Variants in ITGB2 observed in about 807,000 individuals in gnomAD.
ITGB2 encodes integrin beta-2.
A neutral mutation model predicts 86.8 loss-of-function variants in ITGB2; 56 were observed. That is an observed-to-expected ratio of 0.65 (90% confidence interval 0.52 to 0.81). ITGB2 has a LOEUF of 0.81. ITGB2 is among the 30% of genes least tolerant of loss of function. The pLI is 0.00. For missense variants in ITGB2, 948 were observed against 1,061.2 expected (o/e 0.89, Z 1.48); for synonymous variants, 457 against 450.4 (o/e 1.01, Z -0.19).
Position 44,890,099 on chromosome 21 carries a change from A to G in ITGB2, c.1536T>C (p.Cys512=). The G allele has an allele frequency of 6.2e-7, 1 of 1,613,452 alleles. No individual in the cohort carries two copies. Among genetic ancestry groups the G allele is most frequent in the South Asian group, 1.1e-5 (1 of 91,086 alleles). ...TGTGGCACAGGCACTGCCCGCAGACACAGTCCCCCAGCCCTGAGCAGATGA... is the reference window on the plus strand; with the variant it reads ...TGTGGCACAGGCACTGCCCGCAGACGCAGTCCCCCAGCCCTGAGCAGATGA... ...NSIICSGLGD[C]VCGQCLCHTS... is the part of the protein sequence containing the mutation. The change falls in exon 12 of 16, where the codon TGT becomes TGC. Residue 512 remains cysteine, a synonymous_variant. Coordinates refer to ENST00000652462, the MANE Select transcript of ITGB2 (RefSeq NM_000211.5).
chr21:44,910,853 C>T, intron 1 of ITGB2, 68 bp from the exon 2 acceptor site: 1 of 1,510,858 alleles, frequency 6.6e-7, no homozygotes, highest in African/African-American at 1.4e-5. Context: ...CCATGAAGCT[C>T]CCCTCCAGCT....
rs2083819958 is a variant in ITGB2 at position 44,893,461 on chromosome 21, T to C, written c.1167A>G (p.Gly389=). Residue 389 remains glycine (G), a synonymous_variant, in exon 10 of 16, where the codon GGA becomes GGG. Transcript: ENST00000652462. ...KVTYDSFCSN[G]VTHRNQPRGD... is the part of the protein sequence containing the mutation. ...CTCTGGGCTGGTTCCTGTGCGTCAC[T>C]CCATTGCTGCAGAAGGAGTCGTAGG... The C allele has an allele frequency of 6.2e-7, 1 of 1,613,982 alleles. No individual in the cohort carries two copies. The highest frequency in any genetic ancestry group is 1.3e-5 in the African/African-American group (1 of 74,904).
intron 7 of ITGB2, 86 bp downstream of exon 7, chr21:44,900,234 C>A: frequency 6.5e-7 from 1 of 1,542,698 alleles, no homozygotes; most frequent in Non-Finnish European, 9.0e-7. Flanking sequence ...CAGAAGGAGG[C>A]TCTGTCAGGT....
Position 44,886,889 on chromosome 21 carries a change from G to T in ITGB2, c.2094C>A (p.Gly698=). 6.2e-7 allele frequency: 1 copy of T among 1,612,960 alleles called. No individual in the cohort carries two copies. Among genetic ancestry groups the T allele is most frequent in the South Asian group, 1.1e-5 (1 of 91,090 alleles). The part of the protein sequence containing the change: ...YVDESRECVA[G]PNIAAIVGGT... ...CCCCGACGATGGCGGCGATGTTGGG[G>T]CCTGCCACACACTCTAGGGAAGAAG... Residue 698 remains glycine (G), a synonymous_variant, in exon 15 of 16, where the codon GGC becomes GGA. Coordinates refer to ENST00000652462, the MANE Select transcript of ITGB2 (RefSeq NM_000211.5).
chr21:44,903,266 C>T, intron 5 of ITGB2, 99 bp downstream of exon 5: 2 of 1,476,234 alleles, frequency 1.4e-6, no homozygotes, highest in African/African-American at 1.4e-5. Flanking sequence ...CCCAGATCTA[C>T]CCTGGGGACC....
chr21:44,900,342 A>C lies in ITGB2; in HGVS notation c.875T>G (p.Leu292Trp). ...TACGAATTCGTTGCTCCTCTTGTACAAGTTGTCCTCCAGGTGACAGCGGCC... is the reference window on the plus strand; with the variant it reads ...TACGAATTCGTTGCTCCTCTTGTACCAGTTGTCCTCCAGGTGACAGCGGCC... ...NDGRCHLEDN[L>W]YKRSNEFDYP... The change falls in exon 7 of 16, where the codon TTG becomes TGG. Residue 292 changes from leucine (L) to tryptophan (W), a missense_variant. Physicochemically the swap from Leu to Trp is moderately conservative, Grantham distance 61. Coordinates refer to ENST00000652462, the MANE Select transcript of ITGB2 (RefSeq NM_000211.5). 1 of 1,614,112 alleles carries C rather than the reference A, an allele frequency of 6.2e-7. No homozygotes were observed. Among genetic ancestry groups the C allele is most frequent in the Non-Finnish European group, 8.5e-7 (1 of 1,179,986 alleles).
At chr21:44,900,127 C>A (rs1457652766) in intron 7 of ITGB2, among the ~76,000 whole-genome samples, 193 bp downstream of exon 7, 4 of 152,234 alleles carry the variant, frequency 2.6e-5, no homozygotes, top group Non-Finnish European at 5.9e-5. Flanking sequence ...GCTGCCCCCA[C>A]CAACCCTACC....
intron 11 of ITGB2, among the ~76,000 whole-genome samples, chr21:44,890,802 C>A (rs28659859): frequency 2.0e-4 from 31 of 152,106 alleles, no homozygotes; most frequent in Non-Finnish European, 3.5e-4. Context: ...GCTGCAGGAC[C>A]GAGTGTCTGA....
chr21:44,904,652 C>T (rs2084015983), intron 4 of ITGB2, among the ~76,000 whole-genome samples: 1 of 151,878 alleles, frequency 6.6e-6, no homozygotes, highest in Non-Finnish European at 1.5e-5. Context: ...CACACATACA[C>T]ACACCAAACA....
rs564719796 is a variant in ITGB2 at position 44,902,322 on chromosome 21, T to C, written c.500-589A>G. ...GACTGTGTGTGCATGTGTGTGCACA[T>C]GCAAGTGTGAGCATGCATTCATGTG... On this transcript the variant is annotated intron_variant, in intron 5 of 15. Transcript: ENST00000652462. Among the ~76,000 whole-genome samples, 426 of 152,374 alleles carry C rather than the reference T, an allele frequency of 2.8e-3. 2 individuals carry two copies. The highest frequency in any genetic ancestry group is 9.7e-3 in the African/African-American group (403 of 41,586).
intron 1 of ITGB2, chr21:44,927,829 C>G (rs1050943100): frequency 6.6e-6 from 1 of 152,296 alleles, no homozygotes; most frequent in African/African-American, 2.4e-5. Context: ...CTCCAACGAG[C>G]TCTTTCTCAT....
chr21:44,905,308 T>G (rs2084026559), intron 4 of ITGB2, among the ~76,000 whole-genome samples: 1 of 152,112 alleles, frequency 6.6e-6, no homozygotes, highest in African/African-American at 2.4e-5. Flanking sequence ...CACCCGAGTT[T>G]GCCTACCCTC....
At chr21:44,918,170 G>A (rs1381265387) in intron 1 of ITGB2, among the ~76,000 whole-genome samples, 1 of 152,238 alleles carries the variant, frequency 6.6e-6, no homozygotes, top group Non-Finnish European at 1.5e-5. Context: ...TACCTGCTGG[G>A]CAAATGCCTG....
At chr21:44,901,777 C>T in intron 5 of ITGB2, 44 bp from the exon 6 acceptor site, 1 of 1,582,350 alleles carries the variant, frequency 6.3e-7, no homozygotes, top group Non-Finnish European at 8.6e-7. Flanking sequence ...AGGCTGGGCC[C>T]AGGTGGGAGG....
chr21:44,922,950 A>G (rs1439844813), upstream of ITGB2: 1 of 152,226 alleles, frequency 6.6e-6, no homozygotes, highest in Non-Finnish European at 1.5e-5. Flanking sequence ...ACAGAAAGAG[A>G]ATACCATTCT....
At chr21:44,922,663 A>G (rs368252052), upstream of ITGB2, among the ~76,000 whole-genome samples, 12,253 of 149,254 alleles carry the variant, frequency 0.082, 673 homozygotes, top group African/African-American at 0.17. Flanking sequence ...ACTGAGAAAA[A>G]AAAAAAAAAA....
intron 1 of ITGB2, among the ~76,000 whole-genome samples, chr21:44,919,048 G>T (rs57640886): frequency 0.41 from 48,426 of 117,238 alleles, 10,384 homozygotes; most frequent in African/African-American, 0.69. Context: ...GCTGTTCATT[G>T]AGTGCTGGGA....
chr21:44,913,816 C>T (rs1391014113), intron 1 of ITGB2, among the ~76,000 whole-genome samples: 2 of 152,210 alleles, frequency 1.3e-5, no homozygotes, highest in African/African-American at 4.8e-5. Context: ...TCAGTTTCCT[C>T]CATGTGCCTG....
chr21:44,910,144 G>A, intron 3 of ITGB2, 140 bp downstream of exon 3: 2 of 1,044,064 alleles, frequency 1.9e-6, no homozygotes, highest in Non-Finnish European at 2.8e-6. Flanking sequence ...CCCCTTGAGG[G>A]GAGGGTGAGG....
Sources: gnomAD v4.1 joint callset for allele counts (sites outside exome capture counted in the v4.1 genomes callset) on GRCh38, gnomAD v4.1.1 for gene constraint, MANE v1.5 for transcripts, NCBI Gene and HGNC (gene_info 2026-07-23, HGNC 2026-07-21) for gene names.